RBFOX1: variants seen among roughly 807,000 people sequenced by gnomAD.
RBFOX1 encodes the protein RNA binding fox-1 homolog 1, also known as RNA binding protein fox-1 homolog 1.
Under a neutral mutation model 57.7 loss-of-function variants are expected in RBFOX1, and 8 were observed. That is an observed-to-expected ratio of 0.14 (90% CI 0.08 to 0.25). The LOEUF is 0.25. RBFOX1 is among the 10% of genes least tolerant of loss of function. The pLI, the probability that RBFOX1 is intolerant of heterozygous loss-of-function variation, is 1.00. For synonymous variants in RBFOX1, 326 were observed against 222.4 expected (o/e 1.47, Z -4.15); for missense variants, 611 against 548.5 (o/e 1.11, Z -1.14).
intron 2 of RBFOX1, among the ~76,000 whole-genome samples, chr16:6,569,363 A>G (rs114699107): frequency 3.6e-4 from 55 of 152,306 alleles, no homozygotes; most frequent in African/African-American, 1.3e-3. Context: ...AGGATTCAGT[A>G]AGTTACTTCA....
At chr16:6,974,188 C>T (rs1270646857) in intron 3 of RBFOX1, among the ~76,000 whole-genome samples, 4 of 151,946 alleles carry the variant, frequency 2.6e-5, no homozygotes, top group Non-Finnish European at 4.4e-5. Context: ...CATTGCTGAG[C>T]ATTTGTTTTG....
intron 1 of RBFOX1, among the ~76,000 whole-genome samples, chr16:6,255,336 C>G (rs1425670577): frequency 6.6e-6 from 1 of 152,084 alleles, no homozygotes; most frequent in African/African-American, 2.4e-5. Flanking sequence ...GCCCTTTTCT[C>G]CATGGTCCTG....
chr16:7,116,282 C>T (rs1460066397), intron 4 of RBFOX1, among the ~76,000 whole-genome samples: 5 of 152,132 alleles, frequency 3.3e-5, no homozygotes, highest in African/African-American at 1.2e-4. Flanking sequence ...ATCCGAGCTG[C>T]TCTATCTGCC....
intron 4 of RBFOX1, among the ~76,000 whole-genome samples, chr16:7,380,980 G>C (rs2097773737): frequency 6.6e-6 from 1 of 152,242 alleles, no homozygotes; most frequent in African/African-American, 2.4e-5. Flanking sequence ...AGTGAAAGTA[G>C]ACAGGTCTAT....
intron 4 of RBFOX1, among the ~76,000 whole-genome samples, chr16:5,997,636 T>G (rs2060513868): frequency 6.6e-6 from 1 of 152,204 alleles, no homozygotes; most frequent in South Asian, 2.1e-4. Context: ...AAATGAATTA[T>G]GCCAAGGAAA....
At chr16:7,465,825 C>G (rs547616865) in intron 4 of RBFOX1, among the ~76,000 whole-genome samples, 9 of 152,244 alleles carry the variant, frequency 5.9e-5, no homozygotes, top group African/African-American at 2.2e-4. Flanking sequence ...TTGTCTACAC[C>G]GAAGTGCTGG....
At chr16:6,729,569 G>C (rs993125717) in intron 3 of RBFOX1, among the ~76,000 whole-genome samples, 1 of 152,116 alleles carries the variant, frequency 6.6e-6, no homozygotes, top group African/African-American at 2.4e-5. Context: ...TTCTGTCTCT[G>C]GGAATATTAT....
At chr16:7,449,149 G>A (rs955126059) in intron 4 of RBFOX1, among the ~76,000 whole-genome samples, 2 of 151,934 alleles carry the variant, frequency 1.3e-5, no homozygotes, top group Admixed American at 6.6e-5. Flanking sequence ...GGCTGGTCTC[G>A]AACTCCCGAC....
At chr16:6,786,789 A>G (rs1199351393) in intron 3 of RBFOX1, among the ~76,000 whole-genome samples, 2 of 152,202 alleles carry the variant, frequency 1.3e-5, no homozygotes, top group Admixed American at 6.5e-5. Context: ...GGAAGTGGAC[A>G]TGAGGTCACA....
intron 5 of RBFOX1, among the ~76,000 whole-genome samples, chr16:7,565,355 A>G (rs530003805): frequency 1.8e-4 from 27 of 152,216 alleles, no homozygotes; most frequent in South Asian, 1.0e-3. Flanking sequence ...TTTTCCCCCG[A>G]ACTTTTCTCG....
At chr16:7,509,966 G>GTTTTT (rs5815406) in intron 4 of RBFOX1, among the ~76,000 whole-genome samples, 3 of 141,776 alleles carry the variant, frequency 2.1e-5, no homozygotes, top group East Asian at 4.2e-4. Context: ...CGAGCAGTGG[G>GTTTTT]TTTTTTTTTT....
chr16:5,756,756 C>T (rs2053412150), intron 3 of RBFOX1, among the ~76,000 whole-genome samples: 1 of 152,158 alleles, frequency 6.6e-6, no homozygotes, highest in Non-Finnish European at 1.5e-5. Flanking sequence ...CCCATGAAAT[C>T]AATGGAGATG....
chr16:6,831,910 A>G (rs757750813), intron 3 of RBFOX1, among the ~76,000 whole-genome samples: 1 of 152,224 alleles, frequency 6.6e-6, no homozygotes, highest in Non-Finnish European at 1.5e-5. Context: ...ACTTCTGACG[A>G]AGAACTTACA....
intron 4 of RBFOX1, among the ~76,000 whole-genome samples, chr16:7,415,599 A>T (rs2098470506): frequency 6.6e-6 from 1 of 152,094 alleles, no homozygotes; most frequent in African/African-American, 2.4e-5. Context: ...TTTATAATAT[A>T]CGTAATATTA....
chr16:6,539,174 G>A (rs918549265), intron 2 of RBFOX1, among the ~76,000 whole-genome samples: 12 of 151,948 alleles, frequency 7.9e-5, no homozygotes, highest in South Asian at 2.1e-4. Flanking sequence ...TCTCCTTGGC[G>A]GGAAACTTCT....
At chr16:7,072,556 C>T (rs977356323) in intron 4 of RBFOX1, among the ~76,000 whole-genome samples, 1 of 152,094 alleles carries the variant, frequency 6.6e-6, no homozygotes, top group Non-Finnish European at 1.5e-5. Flanking sequence ...GTTGTTAATA[C>T]AATGAAAGAA....
At chr16:5,666,782 T>G (rs1276977737) in intron 3 of RBFOX1, among the ~76,000 whole-genome samples, 3 of 152,224 alleles carry the variant, frequency 2.0e-5, no homozygotes, top group African/African-American at 7.2e-5. Context: ...GAAGTTGTTA[T>G]GTGAAGACAT....
intron 2 of RBFOX1, among the ~76,000 whole-genome samples, chr16:6,512,908 A>T (rs148793798): frequency 6.6e-6 from 1 of 152,142 alleles, no homozygotes; most frequent in Non-Finnish European, 1.5e-5. Flanking sequence ...GAGAATGTCA[A>T]CTCTGCATTG....
At chr16:5,590,270 C>T (rs1164449539) in intron 2 of RBFOX1, among the ~76,000 whole-genome samples, 2 of 152,110 alleles carry the variant, frequency 1.3e-5, no homozygotes, top group Non-Finnish European at 2.9e-5. Flanking sequence ...AAACCGAGCT[C>T]ACTTGCATTG....
Sources: gnomAD v4.1 joint callset for allele counts (sites outside exome capture counted in the v4.1 genomes callset) on GRCh38, gnomAD v4.1.1 for gene constraint, MANE v1.5 for transcripts, NCBI Gene and HGNC (gene_info 2026-07-23, HGNC 2026-07-21) for gene names.